MFN1: variants seen among roughly 807,000 people sequenced by gnomAD.
The protein encoded by MFN1 is mitofusin-1.
In MFN1, 65 loss-of-function variants were observed where a neutral mutation model predicts 92.4. That is an observed-to-expected ratio of 0.70 (90% confidence interval 0.58 to 0.86). The LOEUF (loss-of-function observed/expected upper bound fraction) is 0.86, where lower values mean the gene tolerates loss of function less well. Among genes scored for constraint, MFN1 ranks in the 40% least tolerant of loss-of-function variants. MFN1 has a pLI of 0.00. For missense variants in MFN1, 781 were observed against 868.0 expected, an observed-to-expected ratio of 0.90 and a Z score of 1.26; for synonymous variants, 297 against 300.9, an observed-to-expected ratio of 0.99 and a Z score of 0.13.
intron 10 of MFN1, among the ~76,000 whole-genome samples, chr3:179,376,506 G>A (rs1431442970): frequency 6.6e-6 from 1 of 152,024 alleles, no homozygotes; most frequent in Non-Finnish European, 1.5e-5. Context: ...TTATTTTCCT[G>A]TATCAGCCAG....
At chr3:179,362,253 C>A in intron 4 of MFN1, 105 bp from the exon 5 acceptor site, 3 of 1,135,232 alleles carry the variant, frequency 2.6e-6, no homozygotes, top group Non-Finnish European at 3.5e-6. Flanking sequence ...AGAGTTTTAC[C>A]TTTTATATAC....
chr3:179,358,827 G>GTATA lies in MFN1; in HGVS notation c.249-11_249-8dup. The GTATA allele has an allele frequency of 6.2e-7, 1 of 1,600,832 alleles. No individual in the cohort carries two copies. Among genetic ancestry groups the GTATA allele is most frequent in the Non-Finnish European group, 8.5e-7 (1 of 1,173,718 alleles). ...GTTATGTTTTGTTTTTCATGATTTT[G>GTATA]TATATTCTTCAGGACAAGCAGTGGG... On this transcript the variant is annotated splice_polypyrimidine_tract_variant and intron_variant, in intron 3 of 17. Transcript: ENST00000471841.
Position 179,362,470 on chromosome 3 carries a change from T to C in MFN1, c.524T>C (p.Val175Ala). The change falls in exon 5 of 18, where the codon GTG becomes GCG. Residue 175 changes from valine to alanine, a missense_variant. Coordinates refer to ENST00000471841, the MANE Select transcript of MFN1 (RefSeq NM_033540.3). ...TGTGCCCTCTTGAGAGATGACCTGG[T>C]GTTAGTAGACAGGTAAAATTACATG... ...AKCALLRDDL[V>A]LVDSPGTDVT... 1 of 1,613,380 alleles carries C rather than the reference T, an allele frequency of 6.2e-7. No individual in the cohort carries two copies.
chr3:179,382,094 TA>T (rs1400027386), intron 14 of MFN1, among the ~76,000 whole-genome samples: 2 of 152,166 alleles, frequency 1.3e-5, no homozygotes, highest in Non-Finnish European at 2.9e-5. Context: ...ATTATACTTT[TA>T]AGTTCTAGGG....
rs769350857 is a variant in MFN1, at chr3:179,385,547, CCTT to C, written c.1663-21_1663-19del. ...TAGTTGTTTAAGTGTAATCTTTTTT[CCTT>C]TCTCTTTTTTTTTGGCAGCTCCCTA... On this transcript the variant is annotated intron_variant, in intron 14 of 17. Transcript: ENST00000471841. 2.6e-4 allele frequency: 385 copies of C among 1,496,358 alleles called. No homozygotes were observed. The highest frequency in any genetic ancestry group is 1.9e-3 in the Middle Eastern group (8 of 4,202). The allele number at this position is 1,496,358 out of a possible 1,614,324, so 92.7% of individuals were successfully genotyped here.
Position 179,368,116 on chromosome 3 carries a change from T to A in MFN1, c.975+13T>A. 29 of 1,549,438 alleles carry A rather than the reference T, an allele frequency of 1.9e-5. No homozygotes were observed. Among genetic ancestry groups the A allele is most frequent in the Non-Finnish European group, 2.4e-5 (28 of 1,143,572 alleles). On this transcript the variant is annotated intron_variant, in intron 9 of 17. Transcript: ENST00000471841. ...ACAAATCTTTGAGGTAGGAATTTTG[T>A]GATTGTATTGCCTAATACAAAACTC... is the stretch of plus-strand genomic sequence containing the variant.
Position 179,394,381 on chromosome 3 carries a change from A to G in MFN1, c.*2322A>G, listed in dbSNP as rs1183325627. ...TGTGAAAACATAATGAATGTTGGAA[A>G]TGGAACAGTAAAATAACGAAAGCCA... On this transcript the variant is annotated 3_prime_UTR_variant, in exon 18 of 18. Coordinates refer to ENST00000471841, the MANE Select transcript of MFN1 (RefSeq NM_033540.3). 6.6e-6 allele frequency: 1 copy of G among 150,740 alleles called. No homozygotes were observed. Among genetic ancestry groups the G allele is most frequent in the Admixed American group, 6.6e-5 (1 of 15,156 alleles). 9.3% of individuals were successfully genotyped at this position (150,740 alleles called of 1,614,324 possible). A position where few individuals can be genotyped will look rare whatever the true frequency, so the allele number is the denominator to read the frequency against.
intron 6 of MFN1, 109 bp from the exon 7 acceptor site, chr3:179,365,009 A>T: frequency 1.9e-6 from 1 of 531,630 alleles, no homozygotes; most frequent in Non-Finnish European, 3.2e-6. Context: ...ATCCTTTGTC[A>T]GTGGTGTTAA....
intron 3 of MFN1, among the ~76,000 whole-genome samples, chr3:179,353,147 G>A (rs571683396): frequency 1.2e-4 from 18 of 149,838 alleles, no homozygotes; most frequent in Admixed American, 4.0e-4. Flanking sequence ...TCCGCCTCCC[G>A]GGTTCAAGCA....
rs1380272381 is a variant in MFN1 at position 179,392,939 on chromosome 3, AATT to A, written c.*887_*889del. On this transcript the variant is annotated 3_prime_UTR_variant, in exon 18 of 18. Coordinates refer to ENST00000471841, the MANE Select transcript of MFN1 (RefSeq NM_033540.3). ...ATGAATTTTCCAGGATTTCATTAAA[AATT>A]ATTATTGTATTTTTTACCTTAATGA... 6.6e-6 allele frequency: 1 copy of A among 152,170 alleles called. No individual in the cohort carries two copies. The highest frequency in any genetic ancestry group is 2.4e-5 in the African/African-American group (1 of 41,436). The allele number at this position is 152,170 out of a possible 1,614,324, so 9.4% of individuals were successfully genotyped here.
At chr3:179,365,063 CA>C (rs1002808895) in intron 6 of MFN1, 54 bp from the exon 7 acceptor site, 19 of 1,002,568 alleles carry the variant, frequency 1.9e-5, no homozygotes, top group Non-Finnish European at 2.7e-5. Context: ...AATAAAATTT[CA>C]ATTATAAATG....
chr3:179,382,441 T>G (rs182599255), intron 14 of MFN1, among the ~76,000 whole-genome samples: 3 of 152,230 alleles, frequency 2.0e-5, no homozygotes, highest in African/African-American at 7.2e-5. Flanking sequence ...ATGGTGTATA[T>G]GTGCCACATT....
At chr3:179,354,584 C>G (rs1312604487) in intron 3 of MFN1, among the ~76,000 whole-genome samples, 1 of 152,088 alleles carries the variant, frequency 6.6e-6, no homozygotes, top group Non-Finnish European at 1.5e-5. Context: ...AGAAGGAATT[C>G]CGGATGGGTC....
intron 14 of MFN1, among the ~76,000 whole-genome samples, chr3:179,383,557 C>CT (rs1405930502): frequency 6.6e-6 from 1 of 152,106 alleles, no homozygotes; most frequent in Non-Finnish European, 1.5e-5. Context: ...AATGCGGGCT[C>CT]TTTTTTGGTT....
intron 14 of MFN1, among the ~76,000 whole-genome samples, chr3:179,384,281 T>C (rs113477911): frequency 3.9e-5 from 6 of 152,342 alleles, no homozygotes; most frequent in African/African-American, 1.2e-4. Flanking sequence ...GCTATAAATA[T>C]TCATGTACAT....
At chr3:179,390,729 C>T (rs1314473095) in intron 17 of MFN1, among the ~76,000 whole-genome samples, 1 of 152,096 alleles carries the variant, frequency 6.6e-6, no homozygotes, top group Non-Finnish European at 1.5e-5. Flanking sequence ...TTTTGCTTAC[C>T]CATTAGCTGG....
chr3:179,368,682 TG>T (rs1187150947), intron 9 of MFN1, among the ~76,000 whole-genome samples: 1 of 152,206 alleles, frequency 6.6e-6, no homozygotes, highest in Non-Finnish European at 1.5e-5. Context: ...GAGTGGTAGA[TG>T]GGGAGGGAGG....
chr3:179,386,656 T>C, intron 16 of MFN1, 27 bp downstream of exon 16: 1 of 1,563,346 alleles, frequency 6.4e-7, no homozygotes, highest in South Asian at 1.2e-5. Context: ...ATCTTTCCTT[T>C]AAAAAAAAGT....
At position 179,370,842 on chromosome 3, in the gene MFN1, TTTG is replaced by T. The variant is rs200966171; in HGVS notation, c.975+2745_975+2747del. ...CAAGGTTTTCAGTACTAGTTTAGTT[TTTG>T]TTGTTTTTGTTTCTAATTATCCTTT... On this transcript the variant is annotated intron_variant, in intron 9 of 17. Transcript: ENST00000471841. Among the ~76,000 whole-genome samples the T allele has an allele frequency of 6.3e-3, 958 of 152,316 alleles. 11 individuals are homozygous for T. Among genetic ancestry groups the T allele is most frequent in the African/African-American group, 0.022 (909 of 41,572 alleles).
Sources: allele counts gnomAD v4.1 joint callset (sites outside exome capture counted in the v4.1 genomes callset), GRCh38; gene constraint gnomAD v4.1.1; transcripts MANE v1.5; gene names NCBI Gene and HGNC (gene_info 2026-07-23, HGNC 2026-07-21).